The following PRIM2 variants were observed in gnomAD, a reference collection of about 807,000 sequenced individuals.
PRIM2 encodes the protein DNA primase subunit 2.
Under a neutral mutation model 67.3 loss-of-function variants are expected in PRIM2, and 39 were observed. The observed-to-expected ratio is 0.58, with a 90% CI of 0.45 to 0.76. The LOEUF is 0.76. PRIM2 is among the 30% of genes least tolerant of loss of function. The pLI is 0.00. For missense variants in PRIM2, 398 were observed against 598.7 expected, an observed-to-expected ratio of 0.66 and a Z score of 3.50; for synonymous variants, 143 against 198.7, an observed-to-expected ratio of 0.72 and a Z score of 2.36.
At chr6:57,303,297 A>G in the PRIM2 span, among the ~76,000 whole-genome samples, 53 of 152,256 alleles carry the variant, frequency 3.5e-4, no homozygotes, top group Middle Eastern at 3.4e-3. Flanking sequence ...TTACTTTTTT[A>G]CATGATTTTT....
At chr6:57,256,009 GCACA>G in the PRIM2 span, among the ~76,000 whole-genome samples, 1 of 133,604 alleles carries the variant, frequency 7.5e-6, no homozygotes, top group African/African-American at 3.6e-5. Flanking sequence ...ATTTAGACAC[GCACA>G]CACACACACA....
chr6:57,477,422 A>G (rs1182125905), intron 7 of PRIM2, among the ~76,000 whole-genome samples: 1 of 152,230 alleles, frequency 6.6e-6, no homozygotes, highest in Non-Finnish European at 1.5e-5. Context: ...GTATTTTTAG[A>G]ATTAATAACG....
chr6:57,555,606 G>A (rs1424419981), intron 10 of PRIM2, among the ~76,000 whole-genome samples: 29 of 152,084 alleles, frequency 1.9e-4, no homozygotes, highest in Non-Finnish European at 4.0e-4. Context: ...TCTTATTTAA[G>A]CTTTAGAAAT....
chr6:57,323,082 GTT>G (rs11453364), intron 3 of PRIM2, among the ~76,000 whole-genome samples: 1 of 145,628 alleles, frequency 6.9e-6, no homozygotes, highest in Non-Finnish European at 1.5e-5. Context: ...CCCTCATAGG[GTT>G]TTTTTTTTTT....
the PRIM2 span, among the ~76,000 whole-genome samples, chr6:57,301,337 A>G: frequency 1.3e-5 from 2 of 151,638 alleles, no homozygotes; most frequent in East Asian, 1.9e-4. Flanking sequence ...AAAATACAAA[A>G]TTAGCTGGGC....
intron 5 of PRIM2, among the ~76,000 whole-genome samples, chr6:57,350,054 T>C (rs1344693799): frequency 6.6e-6 from 1 of 152,194 alleles, no homozygotes; most frequent in East Asian, 1.9e-4. Flanking sequence ...TCTTCATTTC[T>C]TGTGAATGCA....
intron 5 of PRIM2, among the ~76,000 whole-genome samples, chr6:57,340,183 A>G (rs1451421833): frequency 6.6e-6 from 1 of 152,204 alleles, no homozygotes; most frequent in Non-Finnish European, 1.5e-5. Flanking sequence ...TTAGAATGGC[A>G]GTCATTAAAA....
At chr6:57,534,211 C>T (rs1416931800) in intron 9 of PRIM2, among the ~76,000 whole-genome samples, 2 of 152,076 alleles carry the variant, frequency 1.3e-5, no homozygotes, top group African/African-American at 2.4e-5. Flanking sequence ...TTTCTTGGTC[C>T]GCATTTCTCT....
At chr6:57,262,292 C>T in the PRIM2 span, among the ~76,000 whole-genome samples, 1 of 152,168 alleles carries the variant, frequency 6.6e-6, no homozygotes, top group Admixed American at 6.5e-5. Context: ...GTGCCTGACC[C>T]ATGTGTTCCA....
At chr6:57,447,906 A>G (rs1249555328) in intron 7 of PRIM2, among the ~76,000 whole-genome samples, 2 of 152,206 alleles carry the variant, frequency 1.3e-5, no homozygotes, top group Non-Finnish European at 2.9e-5. Flanking sequence ...GGGATGCATA[A>G]CCTTTTGTTT....
chr6:57,311,912 G>A (rs1767399498), upstream of PRIM2, among the ~76,000 whole-genome samples: 1 of 151,774 alleles, frequency 6.6e-6, no homozygotes, highest in African/African-American at 2.4e-5. Context: ...CTGGCAGGCC[G>A]AGGCGGGAGA....
At chr6:57,244,892 T>C in the PRIM2 span, among the ~76,000 whole-genome samples, 4 of 152,228 alleles carry the variant, frequency 2.6e-5, no homozygotes, top group African/African-American at 4.8e-5. Context: ...TCTATGCTTT[T>C]ATTTCGTATT....
chr6:57,618,914 C>T (rs1776801746), intron 12 of PRIM2, among the ~76,000 whole-genome samples: 1 of 152,130 alleles, frequency 6.6e-6, no homozygotes, highest in Non-Finnish European at 1.5e-5. Context: ...TCCCTCTGCA[C>T]TGCTACTGCT....
chr6:57,397,349 G>T (rs573828827), intron 7 of PRIM2, among the ~76,000 whole-genome samples: 3 of 152,170 alleles, frequency 2.0e-5, no homozygotes, highest in Non-Finnish European at 2.9e-5. Flanking sequence ...CTTCTTGGAG[G>T]CTTTGTTCAT....
chr6:57,482,032 G>A (rs1253759023), intron 7 of PRIM2, among the ~76,000 whole-genome samples: 1 of 152,282 alleles, frequency 6.6e-6, no homozygotes, highest in East Asian at 1.9e-4. Context: ...TGAGAACAGA[G>A]AGAATGATGG....
intron 7 of PRIM2, among the ~76,000 whole-genome samples, chr6:57,502,238 T>C (rs1554346936): frequency 2.0e-5 from 3 of 152,146 alleles, no homozygotes; most frequent in Non-Finnish European, 2.9e-5. Context: ...ATGCCCCATC[T>C]CTTGCTAACT....
chr6:57,331,962 T>C (rs1369844677), intron 5 of PRIM2, among the ~76,000 whole-genome samples: 1 of 151,748 alleles, frequency 6.6e-6, no homozygotes, highest in Non-Finnish European at 1.5e-5. Context: ...TTTGCTCTTT[T>C]CTTCTAGTTT....
intron 10 of PRIM2, among the ~76,000 whole-genome samples, chr6:57,553,520 T>C (rs1230708190): frequency 1.3e-5 from 2 of 152,318 alleles, no homozygotes; most frequent in South Asian, 2.1e-4. Context: ...ATGAAGTCTT[T>C]GTTTTTCTAG....
intron 7 of PRIM2, among the ~76,000 whole-genome samples, chr6:57,391,030 G>A (rs924491115): frequency 3.3e-5 from 5 of 151,458 alleles, no homozygotes; most frequent in South Asian, 2.1e-4. Flanking sequence ...CCTCCTCTTC[G>A]CAACTTCATC....
Sources: allele counts gnomAD v4.1 joint callset (sites outside exome capture counted in the v4.1 genomes callset), GRCh38; gene constraint gnomAD v4.1.1; transcripts MANE v1.5; gene names NCBI Gene and HGNC (gene_info 2026-07-23, HGNC 2026-07-21).